Variants in PEMT observed in about 807,000 individuals in gnomAD.
PEMT encodes phosphatidylethanolamine N-methyltransferase, also known as phospholipid methyltransferase.
Under a neutral mutation model 27.4 loss-of-function variants are expected in PEMT, and 23 were observed. The observed-to-expected ratio is 0.84, with a 90% CI of 0.60 to 1.19. The LOEUF is 1.19. Ranked by LOEUF, PEMT falls within the 50% of genes most tolerant of loss-of-function variation. PEMT has a pLI of 0.00. For synonymous variants in PEMT, 137 were observed against 139.1 expected (o/e 0.98, Z 0.11); for missense variants, 307 against 310.1 (o/e 0.99, Z 0.07).
chr17:17,579,284 G>A (rs1597963041), intron 1 of PEMT, among the ~76,000 whole-genome samples: 2 of 152,338 alleles, frequency 1.3e-5, no homozygotes, highest in East Asian at 1.9e-4. Context: ...GCTATGGCCT[G>A]CCATCCTTCC....
chr17:17,577,371 A>G (rs1911670978), intron 1 of PEMT: 1 of 771,910 alleles, frequency 1.3e-6, no homozygotes, highest in African/African-American at 1.8e-5. Context: ...CCCCAGAGGA[A>G]ACCCAAGCAG....
At position 17,591,586 on chromosome 17, in the gene PEMT, C is replaced by G. The variant is rs201740094; in HGVS notation, c.41G>C (p.Ser14Thr). Residue 14 changes from serine (S) to threonine (T), a missense_variant, in exon 1 of 7, where the codon AGC (serine) becomes ACC (threonine). By Grantham distance (58) the Ser-to-Thr change is moderately conservative. Coordinates refer to ENST00000255389, the MANE Select transcript of PEMT (RefSeq NM_148172.3). Reference sequence around the variant, plus strand: ...GCAGCAGTCAGGCCCTGCCACCGAGCTGTTCGTTACCTCGGCTCCCGGGTT... The same window carrying G: ...GCAGCAGTCAGGCCCTGCCACCGAGGTGTTCGTTACCTCGGCTCCCGGGTT... ...SGNPGAEVTN[S>T]SVAGPDCCGG... 73 of 1,613,768 alleles carry G rather than the reference C, an allele frequency of 4.5e-5. No homozygotes were observed. Among genetic ancestry groups the G allele is most frequent in the African/African-American group, 8.0e-5 (6 of 75,056 alleles).
rs372916485 is a variant in PEMT at position 17,517,581 on chromosome 17, G to A, written c.320+4699C>T. Among the ~76,000 whole-genome samples, 5 of 152,242 alleles carry A rather than the reference G, an allele frequency of 3.3e-5. No homozygotes were observed. In the East Asian group the frequency reaches 5.8e-4, roughly 18 times the overall value. On this transcript the variant is annotated intron_variant, in intron 3 of 6. Transcript: ENST00000255389. ...GGACATGTAGTCACCAGGACAGAGG[G>A]CCACCTGTGCCAGCCTCCTCCAGGG...
At chr17:17,584,542 A>C (rs1912141362) in intron 1 of PEMT, among the ~76,000 whole-genome samples, 2 of 152,212 alleles carry the variant, frequency 1.3e-5, no homozygotes, top group Middle Eastern at 6.8e-3. Flanking sequence ...CCTGGGCTCA[A>C]GTGAGTCTCC....
chr17:17,512,778 T>C lies in PEMT; in HGVS notation c.321-124A>G. 1 of 937,516 alleles carries C rather than the reference T, an allele frequency of 1.1e-6. No individual in the cohort carries two copies. Among genetic ancestry groups the C allele is most frequent in the Non-Finnish European group, 1.4e-6 (1 of 701,932 alleles). The allele number at this position is 937,516 out of a possible 1,614,324, so 58.1% of individuals were successfully genotyped here. A position where few individuals can be genotyped will look rare whatever the true frequency, so the allele number is the denominator to read the frequency against. Reference sequence around the variant, plus strand: ...CCTTAGAGAGTAGCCAGCCCAGGGCTGCCAGGCCAGGCAGGCAGCAGGTGG... The same window carrying C: ...CCTTAGAGAGTAGCCAGCCCAGGGCCGCCAGGCCAGGCAGGCAGCAGGTGG... On this transcript the variant is annotated intron_variant, in intron 3 of 6. Transcript: ENST00000255389. The surrounding 1 kb of genome is among the most constrained non-coding windows in gnomAD (Gnocchi z 6.3).
chr17:17,512,260 C>T lies in PEMT; in HGVS notation c.466+249G>A, dbSNP rs1024949033. Among the ~76,000 whole-genome samples, 2 of 152,204 alleles carry T rather than the reference C, an allele frequency of 1.3e-5. No individual in the cohort carries two copies. Among genetic ancestry groups the T allele is most frequent in the Non-Finnish European group, 2.9e-5 (2 of 68,038 alleles). ...TGCATCTTCATTAGCTGGAGAGAAG[C>T]AGCAGGAGCTGCCTTCACTCCCCAG... On this transcript the variant is annotated intron_variant, in intron 4 of 6. Coordinates refer to ENST00000255389, the MANE Select transcript of PEMT (RefSeq NM_148172.3). This position sits in a 1 kb window ranked among gnomAD's most constrained non-coding sequence, Gnocchi z 6.3.
intron 2 of PEMT, among the ~76,000 whole-genome samples, chr17:17,571,772 G>C (rs1024104948): frequency 6.6e-6 from 1 of 150,462 alleles, no homozygotes; most frequent in African/African-American, 2.4e-5. Context: ...TCAGTGGCTT[G>C]AGCACAACTC....
In PEMT at chr17:17,512,524, CG is replaced by C. The variant is rs762202677; in HGVS notation, c.450del (p.Phe150LeufsTer6). 1.2e-6 allele frequency: 2 copies of C among 1,600,700 alleles called. No homozygotes were observed. The highest frequency in any genetic ancestry group is 1.7e-6 in the Non-Finnish European group (2 of 1,172,782). On this transcript the variant is annotated frameshift_variant, in exon 4 of 7. Transcript: ENST00000255389. LOFTEE classifies it high-confidence loss of function. The surrounding 1 kb of genome is among the most constrained non-coding windows in gnomAD (Gnocchi z 6.3). ...AGGGTCTTACCTAGGAAAGTTCCAG[CG>C]AACCCCAGTGCAAAGAAGCTGGAGA... ...LVLSSFFALG[F>X]AGTFLGDYFG...
intron 2 of PEMT, among the ~76,000 whole-genome samples, chr17:17,546,498 G>C (rs531817480): frequency 6.6e-6 from 1 of 152,382 alleles, no homozygotes; most frequent in Non-Finnish European, 1.5e-5. Flanking sequence ...TCAGGTTTAA[G>C]TGACTCTCAT....
At chr17:17,554,574 G>A (rs930110280) in intron 2 of PEMT, among the ~76,000 whole-genome samples, 11 of 152,102 alleles carry the variant, frequency 7.2e-5, no homozygotes, top group African/African-American at 2.7e-4. Flanking sequence ...CATCAGTGAC[G>A]GCCAGAGTGA....
At chr17:17,589,428 C>T (rs1382515354) in intron 1 of PEMT, among the ~76,000 whole-genome samples, 1 of 152,126 alleles carries the variant, frequency 6.6e-6, no homozygotes, top group African/African-American at 2.4e-5. Flanking sequence ...CTTGGAATGC[C>T]ACAGGACAAA....
chr17:17,515,837 C>G (rs1466632765), intron 3 of PEMT, among the ~76,000 whole-genome samples: 1 of 152,198 alleles, frequency 6.6e-6, no homozygotes, highest in Non-Finnish European at 1.5e-5. Flanking sequence ...GAGACTCATT[C>G]ATTTGCCTTG....
At chr17:17,575,699 T>G (rs1911538564) in intron 2 of PEMT, among the ~76,000 whole-genome samples, 1 of 152,198 alleles carries the variant, frequency 6.6e-6, no homozygotes, top group African/African-American at 2.4e-5. Context: ...GGCCTGTGTT[T>G]GGCTACACCA....
chr17:17,522,439 G>A, intron 2 of PEMT, 44 bp from the exon 3 acceptor site: 7 of 1,209,540 alleles, frequency 5.8e-6, no homozygotes, highest in Non-Finnish European at 8.5e-6. Flanking sequence ...TTCCTGGGGA[G>A]ACTCCAGGGT....
intron 2 of PEMT, among the ~76,000 whole-genome samples, chr17:17,555,695 C>T (rs997108063): frequency 6.6e-6 from 1 of 152,224 alleles, no homozygotes; most frequent in Non-Finnish European, 1.5e-5. Context: ...GGCCCATCCA[C>T]CCAGACCACT....
intron 3 of PEMT, chr17:17,519,053 T>C (rs188280931): frequency 6.6e-6 from 1 of 152,176 alleles, no homozygotes; most frequent in African/African-American, 2.4e-5. Context: ...AAGCGAGGCA[T>C]GCATGGGAAA....
At chr17:17,508,797 C>G (rs963721542) in intron 5 of PEMT, 1 of 465,284 alleles carries the variant, frequency 2.1e-6, no homozygotes, top group Non-Finnish European at 4.5e-6. Context: ...TCCCTCATGG[C>G]ACGGGGCCCC....
At chr17:17,508,963 G>T (rs1391741184) in intron 5 of PEMT, 24 of 295,162 alleles carry the variant, frequency 8.1e-5, no homozygotes, top group Non-Finnish European at 1.1e-4. Flanking sequence ...CCGCACAAGG[G>T]TCCGCAAACT....
chr17:17,517,915 A>T, intron 3 of PEMT: 1 of 941,216 alleles, frequency 1.1e-6, no homozygotes, highest in African/African-American at 1.8e-5. Context: ...ACCCACCCAG[A>T]CCACCTTCCA....
Sources: gnomAD v4.1 joint callset for allele counts (sites outside exome capture counted in the v4.1 genomes callset) on GRCh38, gnomAD v4.1.1 for gene constraint, Gnocchi (gnomAD v3.1) non-coding constraint, MANE v1.5 for transcripts, NCBI Gene and HGNC (gene_info 2026-07-23, HGNC 2026-07-21) for gene names.